SCG2: variants seen among roughly 807,000 people sequenced by gnomAD.
The protein encoded by SCG2 is secretogranin-2.
SCG2 carries 23 observed loss-of-function variants against 49.5 expected under a neutral mutation model. The observed-to-expected ratio is 0.46, with a 90% CI of 0.33 to 0.66. The LOEUF is 0.66. Ranked by LOEUF, SCG2 falls within the 30% of genes least tolerant of loss-of-function variation. The probability of loss-of-function intolerance (pLI) is 0.01; values close to 1 mark genes in which losing one functional copy is unlikely to be tolerated. For synonymous variants in SCG2, 288 were observed against 260.4 expected, an observed-to-expected ratio of 1.11 and a Z score of -1.02; for missense variants, 730 against 728.2, an observed-to-expected ratio of 1.00 and a Z score of -0.03.
rs1691327045 is a variant in SCG2 at position 223,598,057 on chromosome 2, A to T, written c.1226T>A (p.Met409Lys). The T allele has an allele frequency of 1.2e-6, 2 of 1,605,796 alleles. No homozygotes were observed. Among genetic ancestry groups the T allele is most frequent in the African/African-American group, 1.3e-5 (1 of 74,580 alleles). The change falls in exon 2 of 2, where the codon ATG becomes AAG. Residue 409 changes from methionine (M) to lysine (K), a missense_variant. Physicochemically the swap from Met to Lys is moderately conservative, Grantham distance 95. Transcript: ENST00000305409. ...LDHPDLFQNR[M>K]LSKSGYPKTP... ...TTTAGGGTAGCCACTCTTGGAGAGCATCCTATTTTGGAACAGGTCTGGATG... is the reference window on the plus strand; with the variant it reads ...TTTAGGGTAGCCACTCTTGGAGAGCTTCCTATTTTGGAACAGGTCTGGATG...
Position 223,598,968 on chromosome 2 carries a change from C to T in SCG2, c.315G>A (p.Leu105=). The change falls in exon 2 of 2, where the codon CTG becomes CTA. Residue 105 remains leucine, a synonymous_variant. Transcript: ENST00000305409. The part of the protein sequence containing the change: ...DESHLPERDS[L]SEEDWMRIIL... ...TTATTCTCATCCAGTCTTCTTCACT[C>T]AGTGAATCCCTCTCGGGCAAGTGGC... 6.2e-7 allele frequency: 1 copy of T among 1,614,218 alleles called. No individual in the cohort carries two copies. Among genetic ancestry groups the T allele is most frequent in the Non-Finnish European group, 8.5e-7 (1 of 1,180,042 alleles).
Position 223,597,315 on chromosome 2 carries a change from A to T in SCG2, c.*114T>A. 7.4e-7 allele frequency: 1 copy of T among 1,349,904 alleles called. No individual in the cohort carries two copies. Among genetic ancestry groups the T allele is most frequent in the Non-Finnish European group, 1.0e-6 (1 of 997,544 alleles). The allele number at this position is 1,349,904 out of a possible 1,614,324, so 83.6% of individuals were successfully genotyped here. On this transcript the variant is annotated 3_prime_UTR_variant, in exon 2 of 2. Transcript: ENST00000305409. ...CAGTGACCTGGTTTCATCTGCCTGT[A>T]CATCATTTAAAGATATTACAGTGTT... is the stretch of plus-strand genomic sequence containing the variant.
Position 223,598,921 on chromosome 2 carries a change from G to A in SCG2, c.362C>T (p.Ala121Val), listed in dbSNP as rs775564533. ...TGGTGCAGACTGAGGCTCATTTTCAGCCTGTCTCAAAGCTTCGAGTATTAT... is the reference window on the plus strand; with the variant it reads ...TGGTGCAGACTGAGGCTCATTTTCAACCTGTCTCAAAGCTTCGAGTATTAT... ...MRIILEALRQ[A>V]ENEPQSAPKE... The change falls in exon 2 of 2, where the codon GCT (alanine) becomes GTT (valine). Residue 121 changes from alanine (A) to valine (V), a missense_variant. By Grantham distance (64) the Ala-to-Val change is moderately conservative. Transcript: ENST00000305409. 47 of 1,614,026 alleles carry A rather than the reference G, an allele frequency of 2.9e-5. No homozygotes were observed. Among genetic ancestry groups the A allele is most frequent in the Non-Finnish European group, 3.4e-6 (4 of 1,180,032 alleles).
In SCG2 at chr2:223,597,391, G is replaced by T; in HGVS notation, c.*38C>A. On this transcript the variant is annotated 3_prime_UTR_variant, in exon 2 of 2. Coordinates refer to ENST00000305409, the MANE Select transcript of SCG2 (RefSeq NM_003469.5). ...AGAGAAATGTTGGGATTTGCTTGGG[G>T]TGGGAGGAATGAAAGTAGGGTAATT... The T allele has an allele frequency of 6.4e-7, 1 of 1,551,796 alleles. No homozygotes were observed. The highest frequency in any genetic ancestry group is 8.7e-7 in the Non-Finnish European group (1 of 1,148,988).
intron 1 of SCG2, among the ~76,000 whole-genome samples, chr2:223,600,638 A>G (rs901662787): frequency 6.6e-6 from 1 of 152,136 alleles, no homozygotes; most frequent in Non-Finnish European, 1.5e-5. Context: ...TTAGACATCA[A>G]TTGTAGAAAA....
At position 223,598,661 on chromosome 2, in the gene SCG2, G is replaced by A; in HGVS notation, c.622C>T (p.Leu208=). The A allele has an allele frequency of 6.2e-7, 1 of 1,613,980 alleles. No individual in the cohort carries two copies. The highest frequency in any genetic ancestry group is 8.5e-7 in the Non-Finnish European group (1 of 1,180,020). ...LESVFQELGK[L]TGPNNQKRER... is the part of the protein sequence containing the mutation. ...CGTTTCTGGTTGTTTGGTCCTGTCAGTTTCCCCAGCTCTTGGAAGACAGAT... is the reference window on the plus strand; with the variant it reads ...CGTTTCTGGTTGTTTGGTCCTGTCAATTTCCCCAGCTCTTGGAAGACAGAT... The change falls in exon 2 of 2, where the codon CTG becomes TTG. Residue 208 remains leucine (L), a synonymous_variant. Transcript: ENST00000305409.
rs769832257 is a variant in SCG2 at position 223,597,483 on chromosome 2, T to C, written c.1800A>G (p.Glu600=). 1.2e-6 allele frequency: 2 copies of C among 1,613,434 alleles called. No individual in the cohort carries two copies. Among genetic ancestry groups the C allele is most frequent in the South Asian group, 2.2e-5 (2 of 90,940 alleles). ...LMKVLEYLNQ[E]KAEKGREHIA... Reference sequence around the variant, plus strand: ...TATGCTCCCTTCCCTTTTCTGCCTTTTCTTGGTTGAGGTATTCCAGCACTT... The same window carrying C: ...TATGCTCCCTTCCCTTTTCTGCCTTCTCTTGGTTGAGGTATTCCAGCACTT... The change falls in exon 2 of 2, where the codon GAA becomes GAG. Residue 600 remains glutamate, a synonymous_variant. Coordinates refer to ENST00000305409, the MANE Select transcript of SCG2 (RefSeq NM_003469.5).
At position 223,598,291 on chromosome 2, in the gene SCG2, T is replaced by C. The variant is rs1691332236; in HGVS notation, c.992A>G (p.Asn331Ser). ...AAAAAGCCTGGTGGCCCTTTCCCCA[T>C]TTTGCCCATTCTGTAACCTCCCACT... ...AGSGRLQNGQ[N>S]GERATRLFEK... The change falls in exon 2 of 2, where the codon AAT becomes AGT. Residue 331 changes from asparagine (N) to serine (S), a missense_variant. Transcript: ENST00000305409. 1.9e-6 allele frequency: 3 copies of C among 1,614,134 alleles called. No individual in the cohort carries two copies. Among genetic ancestry groups the C allele is most frequent in the Non-Finnish European group, 2.5e-6 (3 of 1,180,028 alleles).
chr2:223,599,007 T>A lies in SCG2; in HGVS notation c.276A>T (p.Glu92Asp). Residue 92 changes from glutamate to aspartate, a missense_variant, in exon 2 of 2, where the codon GAA becomes GAT. Transcript: ENST00000305409. ...QGVSVPLQQK[E>D]NGDESHLPER... is the part of the protein sequence containing the mutation. ...CGGGCAAGTGGCTTTCATCGCCATT[T>A]TCTTTTTGCTGAAGGGGGACAGAGA... 6.2e-7 allele frequency: 1 copy of A among 1,614,220 alleles called. No individual in the cohort carries two copies. The highest frequency in any genetic ancestry group is 8.5e-7 in the Non-Finnish European group (1 of 1,180,030).
At position 223,598,609 on chromosome 2, in the gene SCG2, AG is replaced by A; in HGVS notation, c.673del (p.Leu225PhefsTer29). ...GATATCATCTTCATCATCCGTATAA[AG>A]TTTTTGCTCCTCATCCATCCTCTCA... ...KRERMDEEQK[L>X]YTDDEDDIYK... On this transcript the variant is annotated frameshift_variant, in exon 2 of 2. Coordinates refer to ENST00000305409, the MANE Select transcript of SCG2 (RefSeq NM_003469.5). LOFTEE classifies it high-confidence loss of function. The A allele has an allele frequency of 6.2e-7, 1 of 1,614,048 alleles. No homozygotes were observed. Among genetic ancestry groups the A allele is most frequent in the South Asian group, 1.1e-5 (1 of 91,066 alleles).
rs985074471 is a variant in SCG2 at position 223,602,325 on chromosome 2, C to T, written c.-55G>A. 6.6e-6 allele frequency: 1 copy of T among 151,968 alleles called. No homozygotes were observed. Among genetic ancestry groups the T allele is most frequent in the East Asian group, 1.9e-4 (1 of 5,178 alleles). The allele number at this position is 151,968 out of a possible 1,614,324, so 9.4% of individuals were successfully genotyped here. A position where few individuals can be genotyped will look rare whatever the true frequency, so the allele number is the denominator to read the frequency against. ...TGGCAGAGGAGCTCCACAGCATATT[C>T]CTCCCCGTTCTCCGGGCGAGCTTCT... On this transcript the variant is annotated 5_prime_UTR_variant, in exon 1 of 2. Coordinates refer to ENST00000305409, the MANE Select transcript of SCG2 (RefSeq NM_003469.5).
At chr2:223,600,481 C>T (rs1423285227) in intron 1 of SCG2, among the ~76,000 whole-genome samples, 3 of 152,030 alleles carry the variant, frequency 2.0e-5, no homozygotes, top group East Asian at 1.9e-4. Flanking sequence ...TTTAATATTG[C>T]TAACATTGAA....
intron 1 of SCG2, among the ~76,000 whole-genome samples, chr2:223,601,353 T>C (rs1691387348): frequency 6.6e-6 from 1 of 152,206 alleles, no homozygotes; most frequent in Non-Finnish European, 1.5e-5. Flanking sequence ...CTGATAGCTA[T>C]CATTAAAATC....
At chr2:223,600,110 C>A (rs191991029) in intron 1 of SCG2, among the ~76,000 whole-genome samples, 2 of 152,288 alleles carry the variant, frequency 1.3e-5, no homozygotes, top group African/African-American at 4.8e-5. Context: ...TATATTATGA[C>A]TGTCTTGCAA....
chr2:223,598,204 AT>A lies in SCG2; in HGVS notation c.1078del (p.Ile360TyrfsTer6). 1 of 1,614,142 alleles carries A rather than the reference AT, an allele frequency of 6.2e-7. No homozygotes were observed. Among genetic ancestry groups the A allele is most frequent in the Non-Finnish European group, 8.5e-7 (1 of 1,180,018 alleles). ...QLIEISRNLQIPPEDLIEMLK... is the reference protein window; with the variant it reads ...QLIEISRNLQXPPEDLIEMLK... ...CATCTCAATTAAGTCTTCTGGGGGT[AT>A]CTGTAAATTCCTTGAGATTTCAATC... On this transcript the variant is annotated frameshift_variant, in exon 2 of 2. Coordinates refer to ENST00000305409, the MANE Select transcript of SCG2 (RefSeq NM_003469.5). LOFTEE classifies it high-confidence loss of function.
At position 223,598,983 on chromosome 2, in the gene SCG2, G is replaced by A. The variant is rs769253277; in HGVS notation, c.300C>T (p.Pro100=). The change falls in exon 2 of 2, where the codon CCC becomes CCT. Residue 100 remains proline (P), a synonymous_variant. Coordinates refer to ENST00000305409, the MANE Select transcript of SCG2 (RefSeq NM_003469.5). ...CTTCTTCACTCAGTGAATCCCTCTCGGGCAAGTGGCTTTCATCGCCATTTT... is the reference window on the plus strand; with the variant it reads ...CTTCTTCACTCAGTGAATCCCTCTCAGGCAAGTGGCTTTCATCGCCATTTT... The part of the protein sequence containing the change: ...QKENGDESHL[P]ERDSLSEEDW... The A allele has an allele frequency of 7.4e-6, 12 of 1,614,088 alleles. No individual in the cohort carries two copies. Among genetic ancestry groups the A allele is most frequent in the Middle Eastern group, 1.6e-4 (1 of 6,062 alleles).
chr2:223,600,900 A>C (rs770715972), intron 1 of SCG2, among the ~76,000 whole-genome samples: 10 of 152,204 alleles, frequency 6.6e-5, no homozygotes, highest in Non-Finnish European at 1.5e-4. Flanking sequence ...ATAAAAATAC[A>C]TTATGCACTC....
In SCG2 at chr2:223,599,058, G is replaced by T; in HGVS notation, c.225C>A (p.Ser75Arg). ...CACCTTGGTAGGGATTATAATCTGG[G>T]CTGCTTTCTTCCTTATGAGCTTGTT... is the stretch of plus-strand genomic sequence containing the variant. ...LRQQAHKEES[S>R]PDYNPYQGVS... is the part of the protein sequence containing the mutation. Residue 75 changes from serine (S) to arginine (R), a missense_variant, in exon 2 of 2, where the codon AGC becomes AGA. By Grantham distance (110) the Ser-to-Arg change is moderately radical. Coordinates refer to ENST00000305409, the MANE Select transcript of SCG2 (RefSeq NM_003469.5). The T allele has an allele frequency of 6.2e-7, 1 of 1,614,122 alleles. No individual in the cohort carries two copies. The highest frequency in any genetic ancestry group is 8.5e-7 in the Non-Finnish European group (1 of 1,180,030).
chr2:223,599,383 A>C, intron 1 of SCG2, 87 bp from the exon 2 acceptor site: 4 of 1,085,754 alleles, frequency 3.7e-6, no homozygotes, highest in Non-Finnish European at 5.1e-6. Flanking sequence ...TGAGGTGAGG[A>C]AAAAACATAG....
Sources: allele counts gnomAD v4.1 joint callset (sites outside exome capture counted in the v4.1 genomes callset), GRCh38; gene constraint gnomAD v4.1.1; transcripts MANE v1.5; gene names NCBI Gene and HGNC (gene_info 2026-07-23, HGNC 2026-07-21).